The following FERMT1 variants were observed in gnomAD, a reference collection of about 807,000 sequenced individuals.
FERMT1 encodes FERM domain containing kindlin 1.
Under a neutral mutation model 85.3 loss-of-function variants are expected in FERMT1, and 60 were observed. The ratio of observed to expected loss-of-function variants is 0.70; its 90% confidence interval spans 0.57 to 0.87. FERMT1 has a LOEUF of 0.87. Among genes scored for constraint, FERMT1 ranks in the 40% least tolerant of loss-of-function variants. The pLI is 0.00. For missense variants in FERMT1, 701 were observed against 818.9 expected, an observed-to-expected ratio of 0.86 and a Z score of 1.76; for synonymous variants, 275 against 301.1, an observed-to-expected ratio of 0.91 and a Z score of 0.90.
At chr20:6,087,205 T>C (rs2123104068) in intron 11 of FERMT1, among the ~76,000 whole-genome samples, 1 of 152,250 alleles carries the variant, frequency 6.6e-6, no homozygotes, top group African/African-American at 2.4e-5. Flanking sequence ...AGAGGCACAG[T>C]CCCACCAAAC....
chr20:6,095,214 C>T (rs1285131403), intron 8 of FERMT1, among the ~76,000 whole-genome samples: 1 of 152,118 alleles, frequency 6.6e-6, no homozygotes, highest in Non-Finnish European at 1.5e-5. Flanking sequence ...AATGGGGGCC[C>T]TGTTGAGGTC....
chr20:6,079,308 A>G, intron 14 of FERMT1, 128 bp downstream of exon 14: 3 of 1,011,658 alleles, frequency 3.0e-6, no homozygotes, highest in Non-Finnish European at 4.7e-6. Context: ...GCAGACAGAC[A>G]GTTACCATAT....
intron 9 of FERMT1, among the ~76,000 whole-genome samples, chr20:6,094,581 AGCCATTCACTGAGGGTTCACGCT>A (rs1283262005): frequency 1.3e-5 from 2 of 152,328 alleles, no homozygotes; most frequent in African/African-American, 2.4e-5. Context: ...ATGTGAACCC[AGCCATTCACTGAGGGTTCACGCT>A]GCCATTCACT....
In FERMT1 at chr20:6,087,800, C is replaced by T. The variant is rs1478026917; in HGVS notation, c.1348G>A (p.Glu450Lys). 6.2e-7 allele frequency: 1 copy of T among 1,600,762 alleles called. No individual in the cohort carries two copies. Among genetic ancestry groups the T allele is most frequent in the South Asian group, 1.1e-5 (1 of 90,784 alleles). The change falls in exon 11 of 15, where the codon GAA becomes AAA. Residue 450 changes from glutamate (E) to lysine (K), a missense_variant. Coordinates refer to ENST00000217289, the MANE Select transcript of FERMT1 (RefSeq NM_017671.5). ...ACATGGTCACATCTCAAATACATTT[C>T]ATTCATACCATCGGCAACAGGGATT... is the stretch of plus-strand genomic sequence containing the variant. ...LLIPVADGMN[E>K]MYLRCDHENQ...
chr20:6,100,444 G>A lies in FERMT1; in HGVS notation c.850-2813C>T, dbSNP rs555081431. On this transcript the variant is annotated intron_variant, in intron 6 of 14. Transcript: ENST00000217289. ...GACTGATGATTACTCAGGGCTGGGAGGGTAGGAGGGAACTGGGGAGTGACC... is the reference window on the plus strand; with the variant it reads ...GACTGATGATTACTCAGGGCTGGGAAGGTAGGAGGGAACTGGGGAGTGACC... Among the ~76,000 whole-genome samples, 82 of 152,248 alleles carry A rather than the reference G, an allele frequency of 5.4e-4. 1 individual carries two copies. The South Asian group carries it at 0.017, about 31-fold the overall frequency.
At chr20:6,116,126 G>A (rs1337465441) in intron 2 of FERMT1, 82 bp from the exon 3 acceptor site, 2 of 986,922 alleles carry the variant, frequency 2.0e-6, no homozygotes, top group Non-Finnish European at 1.6e-6. Context: ...CAATTTCATT[G>A]TGTGCGAAAA....
chr20:6,077,627 C>G (rs1981866156), intron 14 of FERMT1, among the ~76,000 whole-genome samples: 1 of 152,204 alleles, frequency 6.6e-6, no homozygotes, highest in African/African-American at 2.4e-5. Context: ...TTTGCCCAAG[C>G]ACTCTCTGTC....
rs1341849772 is a variant in FERMT1 at position 6,075,122 on chromosome 20, TG to T, written c.*2050del. 1.3e-5 allele frequency: 2 copies of T among 150,942 alleles called. No individual in the cohort carries two copies. Among genetic ancestry groups the T allele is most frequent in the African/African-American group, 4.9e-5 (2 of 41,114 alleles). 9.4% of individuals were successfully genotyped at this position (150,942 alleles called of 1,614,324 possible). A position where few individuals can be genotyped will look rare whatever the true frequency, so the allele number is the denominator to read the frequency against. ...GTGTGTCATGGAAGAAACGCTCCCC[TG>T]AAAACTGTAACCAAACAAAGTTTGG... On this transcript the variant is annotated 3_prime_UTR_variant, in exon 15 of 15. Transcript: ENST00000217289.
chr20:6,077,356 G>T lies in FERMT1; in HGVS notation c.1861-10C>A. Reference sequence around the variant, plus strand: ...CAAACTCGATGACCACCTGGAAGAGGAAGGCACAGAGAAGCTTAAACTCTG... The same window carrying T: ...CAAACTCGATGACCACCTGGAAGAGTAAGGCACAGAGAAGCTTAAACTCTG... On this transcript the variant is annotated splice_polypyrimidine_tract_variant and intron_variant, in intron 14 of 14. Transcript: ENST00000217289. The T allele has an allele frequency of 6.2e-7, 1 of 1,614,056 alleles. No individual in the cohort carries two copies.
At chr20:6,084,315 T>C in intron 12 of FERMT1, 151 bp from the exon 13 acceptor site, 1 of 889,720 alleles carries the variant, frequency 1.1e-6, no homozygotes. Context: ...ATTCTCTCTC[T>C]TTTTCTACAA....
rs550355854 is a variant in FERMT1, at chr20:6,119,390, C to T, written c.151+14G>A. The T allele has an allele frequency of 5.6e-6, 9 of 1,613,710 alleles. No homozygotes were observed. In the East Asian group the frequency reaches 2.0e-4, roughly 36 times the overall value. ...TTTCTAATACAGAGAAACCGTAAAG[C>T]AAGAGTAACTTACTGATCTGTTCTA... On this transcript the variant is annotated intron_variant, in intron 2 of 14. Coordinates refer to ENST00000217289, the MANE Select transcript of FERMT1 (RefSeq NM_017671.5).
chr20:6,082,525 C>G (rs1299670496), intron 13 of FERMT1, among the ~76,000 whole-genome samples: 1 of 152,174 alleles, frequency 6.6e-6, no homozygotes, highest in Non-Finnish European at 1.5e-5. Context: ...TAGTGGGTAT[C>G]CAGTACGACT....
chr20:6,079,900 A>C (rs904325973), intron 13 of FERMT1, among the ~76,000 whole-genome samples: 12 of 152,214 alleles, frequency 7.9e-5, no homozygotes, highest in African/African-American at 2.7e-4. Context: ...TATAGTAGTA[A>C]ACTAAACGGA....
At position 6,105,007 on chromosome 20, in the gene FERMT1, T is replaced by C. The variant is rs368393171; in HGVS notation, c.849+2525A>G. Among the ~76,000 whole-genome samples, 4 of 152,142 alleles carry C rather than the reference T, an allele frequency of 2.6e-5. No individual in the cohort carries two copies. The South Asian group carries it at 6.2e-4, about 24-fold the overall frequency. On this transcript the variant is annotated intron_variant, in intron 6 of 14. Transcript: ENST00000217289. The stretch of plus-strand genomic sequence containing the variant: ...CTGCTGGAAGGGTCCCCAAGGACCC[T>C]ATGAGTCCTTGGGCTGAGTGATCCT...
intron 5 of FERMT1, among the ~76,000 whole-genome samples, chr20:6,108,581 G>A (rs745811927): frequency 4.6e-5 from 7 of 152,186 alleles, no homozygotes; most frequent in East Asian, 1.9e-4. Flanking sequence ...AGGCCAAGGC[G>A]GGTGAATCAC....
intron 2 of FERMT1, among the ~76,000 whole-genome samples, chr20:6,118,253 T>A (rs1983162382): frequency 6.6e-6 from 1 of 152,170 alleles, no homozygotes; most frequent in African/African-American, 2.4e-5. Context: ...ATCTCACAGA[T>A]ATAATGTTGA....
In FERMT1 at chr20:6,082,822, AT is replaced by A. The variant is rs568091435; in HGVS notation, c.1718+1217del. On this transcript the variant is annotated intron_variant, in intron 13 of 14. Coordinates refer to ENST00000217289, the MANE Select transcript of FERMT1 (RefSeq NM_017671.5). ...AGCTGCACACCACCACGCCCAGCTAATTTTTTTTTGTATTTTTAGTAGAGAT... is the reference window on the plus strand; with the variant it reads ...AGCTGCACACCACCACGCCCAGCTAATTTTTTTTGTATTTTTAGTAGAGAT... 4.0e-5 allele frequency among the ~76,000 whole-genome samples: 6 copies of A among 151,012 alleles called. No individual in the cohort carries two copies. In the East Asian group the frequency reaches 5.8e-4, roughly 15 times the overall value.
intron 8 of FERMT1, 101 bp downstream of exon 8, chr20:6,096,801 T>TC: frequency 3.2e-6 from 3 of 925,436 alleles, no homozygotes; most frequent in Non-Finnish European, 4.7e-6. Context: ...TTTTTTTTTT[T>TC]CAAAATCAGA....
At chr20:6,105,489 C>G (rs1462134600) in intron 6 of FERMT1, among the ~76,000 whole-genome samples, 2 of 152,176 alleles carry the variant, frequency 1.3e-5, no homozygotes, top group African/African-American at 4.8e-5. Context: ...AGATTTTGTT[C>G]CTTCTGTATG....
Sources: gnomAD v4.1 joint callset for allele counts (sites outside exome capture counted in the v4.1 genomes callset) on GRCh38, gnomAD v4.1.1 for gene constraint, MANE v1.5 for transcripts, NCBI Gene and HGNC (gene_info 2026-07-23, HGNC 2026-07-21) for gene names.